FGF13: variants seen among roughly 807,000 people sequenced by gnomAD.
The protein encoded by FGF13 is fibroblast growth factor homologous factor 2.
Under a neutral mutation model 19.5 loss-of-function variants are expected in FGF13, and 2 were observed. The observed-to-expected ratio is 0.10, with a 90% CI of 0.04 to 0.32. The LOEUF is 0.32. FGF13 is among the 10% of genes least tolerant of loss of function. FGF13 has a pLI of 1.00. For synonymous variants in FGF13, 72 were observed against 76.9 expected (o/e 0.94, Z 0.33); for missense variants, 113 against 192.7 (o/e 0.59, Z 2.45).
intron 1 of FGF13, among the ~76,000 whole-genome samples, chrX:138,983,595 C>A (rs1157542773): frequency 9.2e-6 from 1 of 108,419 alleles, no homozygotes; most frequent in Non-Finnish European, 1.9e-5. Context: ...TAAAATGGGG[C>A]AGCTGCTATG....
At chrX:138,708,405 A>G (rs1323144945) in intron 2 of FGF13, among the ~76,000 whole-genome samples, 1 of 111,811 alleles carries the variant, frequency 8.9e-6, no homozygotes, top group African/African-American at 3.3e-5. Context: ...GCAGAAGTGA[A>G]AGCTTGTAAT....
intron 1 of FGF13, among the ~76,000 whole-genome samples, chrX:138,903,006 T>C (rs967669889): frequency 9.0e-6 from 1 of 110,784 alleles, no homozygotes; most frequent in African/African-American, 3.3e-5. Flanking sequence ...CAATTAAAAA[T>C]GAAAAAAAAA....
chrX:138,738,696 C>T (rs929182554), intron 1 of FGF13, among the ~76,000 whole-genome samples: 1 of 111,659 alleles, frequency 9.0e-6, no homozygotes, highest in African/African-American at 3.3e-5. Context: ...CTGTGATTTC[C>T]CTGAAGATAC....
chrX:138,659,258 C>T (rs1215044315), intron 3 of FGF13, among the ~76,000 whole-genome samples: 1 of 111,945 alleles, frequency 8.9e-6, no homozygotes, highest in African/African-American at 3.2e-5. Context: ...TCAGTTGAGC[C>T]CAGGAGCTGG....
chrX:139,153,780 G>A (rs887854636), intron 1 of FGF13, among the ~76,000 whole-genome samples: 1 of 110,881 alleles, frequency 9.0e-6, no homozygotes, highest in Non-Finnish European at 1.9e-5. Context: ...GGTTAATTGG[G>A]CCCTAATCCA....
intron 1 of FGF13, among the ~76,000 whole-genome samples, chrX:139,020,355 A>G (rs186488875): frequency 9.0e-6 from 1 of 111,371 alleles, no homozygotes; most frequent in East Asian, 2.9e-4. Flanking sequence ...GCAGCAACAC[A>G]GCTAGAAGCA....
intron 3 of FGF13, among the ~76,000 whole-genome samples, chrX:138,805,827 TA>T (rs765968400): frequency 9.0e-6 from 1 of 111,601 alleles, no homozygotes; most frequent in African/African-American, 3.2e-5. Flanking sequence ...AATGAAACTT[TA>T]TGCCCCTTGA....
At chrX:139,104,289 C>G (rs1377842007) in intron 1 of FGF13, among the ~76,000 whole-genome samples, 3 of 110,325 alleles carry the variant, frequency 2.7e-5, no homozygotes, top group Non-Finnish European at 5.7e-5. Context: ...TAGGCTGGGA[C>G]TTCTTGTCAT....
At position 138,698,632 on chromosome X, in the gene FGF13, G is replaced by A. The variant is rs771559876; in HGVS notation, c.402+4352C>T. 1.4e-4 allele frequency among the ~76,000 whole-genome samples: 16 copies of A among 111,492 alleles called. No homozygotes were observed. The South Asian group carries it at 6.1e-3, about 42-fold the overall frequency. ...CATAAGCATTAGCTGGGGAGCTTTC[G>A]AAAATATTCATGCGTAGATCCCACC... On this transcript the variant is annotated intron_variant, in intron 3 of 4. Coordinates refer to ENST00000315930, the MANE Select transcript of FGF13 (RefSeq NM_004114.5).
intron 3 of FGF13, among the ~76,000 whole-genome samples, chrX:138,690,432 G>C (rs1333677995): frequency 1.8e-5 from 2 of 110,753 alleles, no homozygotes; most frequent in Admixed American, 9.7e-5. Context: ...TGTGTCATTG[G>C]CCAAACATGT....
intron 3 of FGF13, among the ~76,000 whole-genome samples, chrX:138,797,771 C>G (rs1295619658): frequency 9.0e-6 from 1 of 111,036 alleles, no homozygotes; most frequent in East Asian, 2.8e-4. Context: ...TTGAAGAGGT[C>G]CTTCATGTAC....
At chrX:138,855,962 C>CTGTGTGTGTGTGTGTG (rs35763167), downstream of FGF13, among the ~76,000 whole-genome samples, 1 of 101,314 alleles carries the variant, frequency 9.9e-6, no homozygotes, top group African/African-American at 3.6e-5. Flanking sequence ...AGTACAAAAA[C>CTGTGTGTGTGTGTGTG]TGTGTGTGTG....
intron 1 of FGF13, among the ~76,000 whole-genome samples, chrX:139,097,583 T>C (rs184578951): frequency 1.8e-5 from 2 of 111,266 alleles, no homozygotes; most frequent in Non-Finnish European, 3.8e-5. Context: ...GAGAGAAAAA[T>C]AAATAAATTA....
intron 1 of FGF13, among the ~76,000 whole-genome samples, chrX:139,176,381 T>C (rs1040035344): frequency 2.1e-5 from 2 of 93,705 alleles, no homozygotes; most frequent in Admixed American, 2.5e-4. Context: ...TTTTGAAGGG[T>C]TTTTTTTTTT....
rs944366378 is a variant in FGF13 at position 139,000,950 on chromosome X, G to A, written c.-112-136300C>T. Among the ~76,000 whole-genome samples the A allele has an allele frequency of 2.7e-5, 3 of 112,032 alleles. No individual in the cohort carries two copies. In the East Asian group the frequency reaches 8.4e-4, roughly 31 times the overall value. On this transcript the variant is annotated intron_variant, in intron 1 of 2. Coordinates refer to the FGF13 transcript ENST00000421460. Reference sequence around the variant, plus strand: ...CTTCAAACTATACTACAAGGCTACAGCAACCAAAACAGCATGGTACTGGTA... The same window carrying A: ...CTTCAAACTATACTACAAGGCTACAACAACCAAAACAGCATGGTACTGGTA...
intron 3 of FGF13, among the ~76,000 whole-genome samples, chrX:138,750,800 G>A: frequency 9.0e-6 from 1 of 110,897 alleles, no homozygotes; most frequent in Non-Finnish European, 1.9e-5. Flanking sequence ...GCAAAGAGAT[G>A]GTGTTTACAG....
At chrX:138,971,413 C>T (rs888321271) in intron 1 of FGF13, among the ~76,000 whole-genome samples, 2 of 111,965 alleles carry the variant, frequency 1.8e-5, no homozygotes, top group Non-Finnish European at 1.9e-5. Flanking sequence ...AATAATTGCA[C>T]ATATTTATGT....
intron 1 of FGF13, among the ~76,000 whole-genome samples, chrX:139,107,219 C>T (rs2083566983): frequency 9.0e-6 from 1 of 111,607 alleles, no homozygotes; most frequent in Non-Finnish European, 1.9e-5. Context: ...GGTAATAATG[C>T]TTATAGAGTA....
chrX:138,737,152 G>C (rs2090283343), intron 1 of FGF13, among the ~76,000 whole-genome samples: 1 of 111,434 alleles, frequency 9.0e-6, no homozygotes, highest in Non-Finnish European at 1.9e-5. Context: ...CTTAACTGGA[G>C]ATGGAGAACT....
Sources: allele counts gnomAD v4.1 joint callset (sites outside exome capture counted in the v4.1 genomes callset), GRCh38; gene constraint gnomAD v4.1.1; transcripts MANE v1.5; gene names NCBI Gene and HGNC (gene_info 2026-07-23, HGNC 2026-07-21).